Variants in GRAMD1A observed in about 807,000 individuals in gnomAD.
The protein encoded by GRAMD1A is GRAM domain containing 1A.
In GRAMD1A, 50 loss-of-function variants were observed where a neutral mutation model predicts 92.0. The observed-to-expected ratio is 0.54, with a 90% CI of 0.43 to 0.69. The LOEUF (loss-of-function observed/expected upper bound fraction) is 0.69. GRAMD1A is among the 30% of genes least tolerant of loss of function. The pLI is 0.00. For missense variants in GRAMD1A, 819 were observed against 978.9 expected, an observed-to-expected ratio of 0.84 and a Z score of 2.18; for synonymous variants, 405 against 403.6, an observed-to-expected ratio of 1.00 and a Z score of -0.04.
At position 35,013,299 on chromosome 19, in the gene GRAMD1A, A is replaced by G. The variant is rs1006661420; in HGVS notation, c.650A>G (p.Tyr217Cys). ...RELWHLVHQCYGSELGLTSED... is the reference protein window; with the variant it reads ...RELWHLVHQCCGSELGLTSED... ...CTCTGGCACCTGGTGCATCAGTGCT[A>G]CGGCTCAGAGCTGGGCCTCACCAGT... is the stretch of plus-strand genomic sequence containing the variant. The change falls in exon 8 of 20, where the codon TAC becomes TGC. Residue 217 changes from tyrosine to cysteine, a missense_variant. This residue lies in a region of GRAMD1A where 144 missense variants were observed against 220.3 expected (regional missense o/e 0.65). Transcript: ENST00000317991. The surrounding 1 kb of genome is among the most constrained non-coding windows in gnomAD (Gnocchi z 4.9). 9 of 1,552,028 alleles carry G rather than the reference A, an allele frequency of 5.8e-6. No individual in the cohort carries two copies. Among genetic ancestry groups the G allele is most frequent in the Non-Finnish European group, 7.8e-6 (9 of 1,147,244 alleles).
chr19:35,016,116 GC>G, intron 11 of GRAMD1A, 149 bp downstream of exon 11: 1 of 788,928 alleles, frequency 1.3e-6, no homozygotes, highest in Non-Finnish European at 2.0e-6. Flanking sequence ...AAGCAGCTCT[GC>G]CACTTACTAG....
chr19:35,008,360 CT>C (rs1261315774), intron 1 of GRAMD1A, among the ~76,000 whole-genome samples: 1 of 148,366 alleles, frequency 6.7e-6, no homozygotes, highest in African/African-American at 2.5e-5. Flanking sequence ...CAGCAGGTGT[CT>C]TTGAGAGCTC....
At chr19:35,011,101 C>CAAAAAAA (rs56905471) in intron 6 of GRAMD1A, among the ~76,000 whole-genome samples, 1 of 71,772 alleles carries the variant, frequency 1.4e-5, no homozygotes, top group African/African-American at 5.4e-5. Flanking sequence ...GACCCTGTCT[C>CAAAAAAA]AAAAAAAAAA....
chr19:35,024,478 T>C (rs1375592251), intron 19 of GRAMD1A, among the ~76,000 whole-genome samples: 2 of 148,284 alleles, frequency 1.3e-5, no homozygotes, highest in Non-Finnish European at 3.0e-5. Flanking sequence ...AGGCCAGCAG[T>C]TGTGGTGGGT....
rs2016022624 is a variant in GRAMD1A at position 35,021,150 on chromosome 19, G to A, written c.1476-352G>A. 6.6e-6 allele frequency among the ~76,000 whole-genome samples: 1 copy of A among 152,198 alleles called. No individual in the cohort carries two copies. Among genetic ancestry groups the A allele is most frequent in the African/African-American group, 2.4e-5 (1 of 41,450 alleles). ...TTTGGGACTCAGCTGTCTATGTTGA[G>A]CTGAGCCCATGTGGAGCTGGGGTGC... On this transcript the variant is annotated intron_variant, in intron 13 of 19. Coordinates refer to ENST00000317991, the MANE Select transcript of GRAMD1A (RefSeq NM_020895.5). This position sits in a 1 kb window ranked among gnomAD's most constrained non-coding sequence, Gnocchi z 5.3.
chr19:35,012,706 G>C (rs2015326035), intron 7 of GRAMD1A, among the ~76,000 whole-genome samples: 1 of 152,250 alleles, frequency 6.6e-6, no homozygotes, highest in Non-Finnish European at 1.5e-5. Context: ...GGTGGCTCAT[G>C]CCTGTAATCC....
intron 11 of GRAMD1A, among the ~76,000 whole-genome samples, chr19:35,017,408 C>T (rs1037212087): frequency 2.0e-5 from 3 of 152,152 alleles, no homozygotes; most frequent in Admixed American, 1.3e-4. Context: ...CAACACAAGG[C>T]ACCATCTTCC....
At position 35,022,017 on chromosome 19, in the gene GRAMD1A, C is replaced by T; in HGVS notation, c.1820C>T (p.Ala607Val). ...DQGPGAGIPS[A>V]LVLISIVICV... ...GGCCCCGGGGCAGGCATCCCCAGTG[C>T]CCTGGTTCTCATCAGCATTGTGTGA... Residue 607 changes from alanine to valine, a missense_variant, in exon 16 of 20, where the codon GCC becomes GTC. Transcript: ENST00000317991. The T allele has an allele frequency of 6.2e-7, 1 of 1,613,458 alleles. No homozygotes were observed. The highest frequency in any genetic ancestry group is 1.3e-5 in the African/African-American group (1 of 75,050).
chr19:35,011,349 G>T (rs2015222800), intron 6 of GRAMD1A, 125 bp from the exon 7 acceptor site: 4 of 781,810 alleles, frequency 5.1e-6, no homozygotes, highest in Non-Finnish European at 9.1e-6. Flanking sequence ...CTAATGCAGG[G>T]GTGAATTAGT....
intron 19 of GRAMD1A, 111 bp from the exon 20 acceptor site, chr19:35,025,938 C>T: frequency 1.4e-6 from 1 of 696,636 alleles, no homozygotes; most frequent in Non-Finnish European, 2.6e-6. Flanking sequence ...TGGGGTGGGG[C>T]AGTATGGCCT....
intron 13 of GRAMD1A, among the ~76,000 whole-genome samples, chr19:35,020,721 C>G (rs1310503749): frequency 6.7e-6 from 1 of 149,540 alleles, no homozygotes; most frequent in Non-Finnish European, 1.5e-5. Flanking sequence ...CTTGACTTTA[C>G]CTGGAGTGAG....
chr19:35,007,770 G>A (rs8102282), intron 1 of GRAMD1A, among the ~76,000 whole-genome samples: 18,146 of 152,090 alleles, frequency 0.12, 1,213 homozygotes, highest in African/African-American at 0.17. Context: ...CTACCCGGGA[G>A]GCTGAGGCAG....
chr19:35,023,758 A>G, intron 19 of GRAMD1A: 1 of 514,158 alleles, frequency 1.9e-6, no homozygotes, highest in Non-Finnish European at 3.3e-6. Flanking sequence ...CACGTCCTGG[A>G]GAAAAGTCCA....
chr19:35,014,750 G>A, intron 10 of GRAMD1A: 1 of 279,242 alleles, frequency 3.6e-6, no homozygotes, highest in Non-Finnish European at 7.1e-6. Context: ...ATGAGGCTGG[G>A]TGTGATGGCT....
Position 35,009,871 on chromosome 19 carries a change from C to T in GRAMD1A, c.241-17C>T, listed in dbSNP as rs2015091749. ...TGTGAACCCCCATCCAGGTTCTCAC[C>T]TCTCAAACTTCCTCAGATGCTGAGC... On this transcript the variant is annotated splice_polypyrimidine_tract_variant and intron_variant, in intron 3 of 19. Transcript: ENST00000317991. 2 of 1,540,000 alleles carry T rather than the reference C, an allele frequency of 1.3e-6. No homozygotes were observed. Among genetic ancestry groups the T allele is most frequent in the African/African-American group, 2.7e-5 (2 of 73,398 alleles).
rs536613679 is a variant in GRAMD1A, at chr19:35,005,787, C to T, written c.9-3332C>T. ...ACTTGGACCTGTCATCAGACAGTGA[C>T]GGCCCAGAGTAGTCCAGGATGGGAG... On this transcript the variant is annotated intron_variant, in intron 1 of 19. Coordinates refer to ENST00000317991, the MANE Select transcript of GRAMD1A (RefSeq NM_020895.5). The T allele has an allele frequency of 3.0e-4, 134 of 441,572 alleles. 2 individuals are homozygous for T. The highest frequency in any genetic ancestry group is 1.6e-3 in the South Asian group (99 of 62,856). The allele number at this position is 441,572 out of a possible 1,614,324, so 27.4% of individuals were successfully genotyped here. A position where few individuals can be genotyped will look rare whatever the true frequency, so the allele number is the denominator to read the frequency against.
chr19:35,024,796 TTTA>T (rs1001535451), intron 19 of GRAMD1A: 1 of 152,214 alleles, frequency 6.6e-6, no homozygotes, highest in Non-Finnish European at 1.5e-5. Context: ...GTTATTTTAT[TTTA>T]TTCTTTTGAG....
At chr19:35,002,161 T>C (rs1178710741) in intron 1 of GRAMD1A, among the ~76,000 whole-genome samples, 1 of 152,080 alleles carries the variant, frequency 6.6e-6, no homozygotes, top group African/African-American at 2.4e-5. Flanking sequence ...AACCCTCCCT[T>C]CTAAGACCCT....
At chr19:35,010,007 C>A in intron 4 of GRAMD1A, 35 bp downstream of exon 4, 1 of 1,558,152 alleles carries the variant, frequency 6.4e-7, no homozygotes, top group Non-Finnish European at 8.9e-7. Context: ...GCTCCTAGCC[C>A]AGCCCTGTGA....
Sources: allele counts gnomAD v4.1 joint callset (sites outside exome capture counted in the v4.1 genomes callset), GRCh38; gene constraint gnomAD v4.1.1; regional missense constraint gnomAD v4.1.1; non-coding constraint Gnocchi (gnomAD v3.1); transcripts MANE v1.5; gene names NCBI Gene and HGNC (gene_info 2026-07-23, HGNC 2026-07-21).